The following KCNH1 variants were observed in gnomAD, a reference collection of about 807,000 sequenced individuals.
KCNH1 encodes voltage-gated delayed rectifier potassium channel KCNH1.
In KCNH1, 27 loss-of-function variants were observed where a neutral mutation model predicts 69.2. The ratio of observed to expected loss-of-function variants is 0.39; its 90% CI spans 0.29 to 0.54. KCNH1 has a LOEUF of 0.54. Among genes scored for constraint, KCNH1 ranks in the 20% least tolerant of loss-of-function variants. KCNH1 has a pLI of 0.68. For missense variants in KCNH1, 798 were observed against 1,261.6 expected, an observed-to-expected ratio of 0.63 and a Z score of 5.57; for synonymous variants, 456 against 487.7, an observed-to-expected ratio of 0.93 and a Z score of 0.86.
intron 10 of KCNH1, among the ~76,000 whole-genome samples, chr1:210,697,409 GA>G (rs1681668346): frequency 6.6e-6 from 1 of 152,236 alleles, no homozygotes; most frequent in Non-Finnish European, 1.5e-5. Flanking sequence ...CCTGCAGGGG[GA>G]CTGGGCTCCA....
At chr1:210,685,314 A>G (rs1330524676) in intron 10 of KCNH1, among the ~76,000 whole-genome samples, 1 of 152,158 alleles carries the variant, frequency 6.6e-6, no homozygotes, top group Non-Finnish European at 1.5e-5. Flanking sequence ...AGAGGTATTG[A>G]GATTGTGTAG....
chr1:210,824,453 T>C (rs892741962), intron 7 of KCNH1, among the ~76,000 whole-genome samples: 8 of 152,114 alleles, frequency 5.3e-5, no homozygotes, highest in African/African-American at 1.9e-4. Flanking sequence ...TAACATAGTT[T>C]ATGGAAATAA....
Position 210,683,821 on chromosome 1 carries a change from G to A in KCNH1, c.2430C>T (p.Asp810=), listed in dbSNP as rs1314980810. The change falls in exon 11 of 11, where the codon GAC becomes GAT. Residue 810 remains aspartate (D), a synonymous_variant. Coordinates refer to ENST00000271751, the MANE Select transcript of KCNH1 (RefSeq NM_172362.3). The surrounding 1 kb of genome is among the most constrained non-coding windows in gnomAD (Gnocchi z 5.7). The stretch of plus-strand genomic sequence containing the variant: ...ACCCTGGCGCCTGTAGCTTTGCGTG[G>A]TCTGGCACCCCGGAGGTGGAGGCTG... ...FQAASTSGVP[D]HAKLQAPGSE... 5 of 1,613,898 alleles carry A rather than the reference G, an allele frequency of 3.1e-6. No homozygotes were observed. In the South Asian group the frequency reaches 4.4e-5, roughly 14 times the overall value.
At chr1:210,804,216 C>T (rs1217675721) in intron 7 of KCNH1, 50 bp from the exon 8 acceptor site, 1 of 1,502,150 alleles carries the variant, frequency 6.7e-7, no homozygotes, top group Non-Finnish European at 9.1e-7. Flanking sequence ...TTAGTGGTCC[C>T]TGAGCCAGGG....
intron 9 of KCNH1, among the ~76,000 whole-genome samples, chr1:210,791,015 G>A (rs1684201044): frequency 6.6e-6 from 1 of 152,068 alleles, no homozygotes; most frequent in Admixed American, 6.6e-5. Context: ...CTAGGCCTCA[G>A]CTCACATCAT....
intron 7 of KCNH1, among the ~76,000 whole-genome samples, chr1:210,856,877 C>CTATATATATATA (rs150446990): frequency 0.029 from 2,958 of 101,582 alleles, 102 homozygotes; most frequent in African/African-American, 0.07. Context: ...ATATAACCCA[C>CTATATATATATA]TATATATATA....
chr1:211,075,566 T>G (rs959683673), intron 5 of KCNH1, among the ~76,000 whole-genome samples: 2 of 152,226 alleles, frequency 1.3e-5, no homozygotes, highest in Non-Finnish European at 2.9e-5. Flanking sequence ...TGCTTCTAAC[T>G]GGCCCCACCC....
chr1:210,759,867 C>A (rs1457545077), intron 10 of KCNH1, among the ~76,000 whole-genome samples: 1 of 152,104 alleles, frequency 6.6e-6, no homozygotes, highest in East Asian at 1.9e-4. Flanking sequence ...GGCTCCCAAC[C>A]CCTGGAGCCA....
At chr1:210,861,837 G>T in intron 7 of KCNH1, 1 of 758,418 alleles carries the variant, frequency 1.3e-6, no homozygotes, top group South Asian at 1.4e-5. Flanking sequence ...GCTGATAAAG[G>T]CAAATAATTC....
chr1:210,822,751 C>T (rs1684955824), intron 7 of KCNH1, among the ~76,000 whole-genome samples: 2 of 152,186 alleles, frequency 1.3e-5, no homozygotes, highest in South Asian at 4.1e-4. Context: ...GTGCTAGAAC[C>T]TGATCCCCCT....
At chr1:210,992,057 G>A (rs1207871401) in intron 6 of KCNH1, among the ~76,000 whole-genome samples, 1 of 152,140 alleles carries the variant, frequency 6.6e-6, no homozygotes, top group Non-Finnish European at 1.5e-5. Flanking sequence ...TGTTCTTTTG[G>A]ATCATTTCCT....
chr1:211,111,468 G>T (rs1205056384), intron 1 of KCNH1, among the ~76,000 whole-genome samples: 2 of 148,012 alleles, frequency 1.4e-5, no homozygotes, highest in African/African-American at 2.5e-5. Flanking sequence ...CCTCTGCCCG[G>T]CCGCCCATCG....
intron 6 of KCNH1, among the ~76,000 whole-genome samples, chr1:210,925,010 TC>T (rs1305448819): frequency 6.6e-6 from 1 of 152,066 alleles, no homozygotes; most frequent in African/African-American, 2.4e-5. Context: ...AAAGAGTCTT[TC>T]CCTACAAAAG....
At chr1:211,122,122 T>C (rs1294447413) in intron 1 of KCNH1, among the ~76,000 whole-genome samples, 1 of 151,190 alleles carries the variant, frequency 6.6e-6, no homozygotes, top group Non-Finnish European at 1.5e-5. Flanking sequence ...TGGGCGACAG[T>C]GAGACTCCGT....
intron 7 of KCNH1, among the ~76,000 whole-genome samples, chr1:210,850,530 TA>T (rs1181160968): frequency 3.9e-5 from 6 of 152,086 alleles, no homozygotes; most frequent in Non-Finnish European, 5.9e-5. Flanking sequence ...AAATGTTTTT[TA>T]AAAAAGCATT....
chr1:210,952,025 C>G (rs2102346871), intron 6 of KCNH1, among the ~76,000 whole-genome samples: 2 of 152,278 alleles, frequency 1.3e-5, no homozygotes, highest in East Asian at 3.9e-4. Context: ...GGTACACAGT[C>G]CTCCAAGTGC....
rs1427326559 is a variant in KCNH1 at position 210,861,770 on chromosome 1, T to C, written c.1463-57604A>G. 2.7e-5 allele frequency: 21 copies of C among 773,206 alleles called. 1 individual carries two copies. Among genetic ancestry groups the C allele is most frequent in the South Asian group, 2.2e-4 (16 of 74,262 alleles). The allele number at this position is 773,206 out of a possible 1,614,324, so 47.9% of individuals were successfully genotyped here. On this transcript the variant is annotated intron_variant, in intron 7 of 10. Transcript: ENST00000271751. The stretch of plus-strand genomic sequence containing the variant: ...TTTAGAACTGACAGAAAATGCTGCA[T>C]TGCTGCTACCAATGGACTCCACTCC...
At chr1:211,007,987 A>G (rs978373969) in intron 6 of KCNH1, among the ~76,000 whole-genome samples, 8 of 152,230 alleles carry the variant, frequency 5.3e-5, no homozygotes, top group Admixed American at 4.6e-4. Context: ...GCAAAACAGT[A>G]TAGTAGTTCC....
At position 210,957,784 on chromosome 1, in the gene KCNH1, G is replaced by A. The variant is rs567057916; in HGVS notation, c.1033-37715C>T. Among the ~76,000 whole-genome samples the A allele has an allele frequency of 5.9e-5, 9 of 152,040 alleles. No individual in the cohort carries two copies. In the East Asian group the frequency reaches 7.7e-4, roughly 13 times the overall value. On this transcript the variant is annotated intron_variant, in intron 6 of 10. Coordinates refer to ENST00000271751, the MANE Select transcript of KCNH1 (RefSeq NM_172362.3). ...TTGCTTGGTAGATCTTCCTCCATCCGTTTATTTTGGGCCTATGTGTGTCTC... is the reference window on the plus strand; with the variant it reads ...TTGCTTGGTAGATCTTCCTCCATCCATTTATTTTGGGCCTATGTGTGTCTC...
Sources: gnomAD v4.1 joint callset for allele counts (sites outside exome capture counted in the v4.1 genomes callset) on GRCh38, gnomAD v4.1.1 for gene constraint, Gnocchi (gnomAD v3.1) non-coding constraint, MANE v1.5 for transcripts, NCBI Gene and HGNC (gene_info 2026-07-23, HGNC 2026-07-21) for gene names.